The following GNG10 variants were observed in gnomAD, a reference collection of about 807,000 sequenced individuals.
GNG10 encodes G protein subunit gamma 10.
A neutral mutation model predicts 6.8 loss-of-function variants in GNG10; 7 were observed. That is an observed-to-expected ratio of 1.02 (90% CI 0.58 to 1.92). GNG10 has a LOEUF of 1.92. GNG10 is among the 30% of genes most tolerant of loss of function. The probability of loss-of-function intolerance (pLI) is 0.00; values close to 1 mark genes in which losing one functional copy is unlikely to be tolerated. For synonymous variants in GNG10, 28 were observed against 34.8 expected, an observed-to-expected ratio of 0.80 and a Z score of 0.69; for missense variants, 57 against 86.1, an observed-to-expected ratio of 0.66 and a Z score of 1.34.
chr9:111,664,271 G>C (rs576851962), intron 1 of GNG10, among the ~76,000 whole-genome samples: 49 of 152,304 alleles, frequency 3.2e-4, no homozygotes, highest in Admixed American at 2.9e-3. Context: ...GCTCATGGAA[G>C]TATGATCTGG....
At chr9:111,665,229 CAA>C (rs143664022) in intron 1 of GNG10, among the ~76,000 whole-genome samples, 3 of 134,232 alleles carry the variant, frequency 2.2e-5, no homozygotes, top group African/African-American at 2.8e-5. Flanking sequence ...CCTTTTAATG[CAA>C]AAAAAAAAAG....
At chr9:111,663,274 A>ATT (rs59173537) in intron 1 of GNG10, among the ~76,000 whole-genome samples, 1 of 147,258 alleles carries the variant, frequency 6.8e-6, no homozygotes, top group South Asian at 2.1e-4. Flanking sequence ...CATATTTGTG[A>ATT]TTTTTTTTTT....
intron 1 of GNG10, 102 bp from the exon 2 acceptor site, chr9:111,666,713 A>C: frequency 6.9e-7 from 1 of 1,440,222 alleles, no homozygotes; most frequent in South Asian, 1.5e-5. Flanking sequence ...AGGTCACAAA[A>C]AGTTGATATT....
chr9:111,666,369 G>T (rs1190929576), intron 1 of GNG10, among the ~76,000 whole-genome samples: 1 of 152,180 alleles, frequency 6.6e-6, no homozygotes, highest in Non-Finnish European at 1.5e-5. Flanking sequence ...CGCCTCAAAA[G>T]CAAGGCGGAA....
chr9:111,663,748 G>A (rs1445505665), intron 1 of GNG10, among the ~76,000 whole-genome samples: 2 of 152,104 alleles, frequency 1.3e-5, no homozygotes, highest in Non-Finnish European at 2.9e-5. Flanking sequence ...GGGGACATGA[G>A]GTAGAAAGGA....
intron 1 of GNG10, among the ~76,000 whole-genome samples, chr9:111,665,545 G>T (rs1038334390): frequency 6.6e-6 from 1 of 152,128 alleles, no homozygotes; most frequent in Non-Finnish European, 1.5e-5. Flanking sequence ...GCAGGTGCTG[G>T]TTGTAGCTTA....
intron 1 of GNG10, among the ~76,000 whole-genome samples, chr9:111,664,875 G>C (rs1830874752): frequency 1.3e-5 from 2 of 152,028 alleles, no homozygotes; most frequent in Admixed American, 6.6e-5. Flanking sequence ...GAGCATAATT[G>C]ATTCTCGATT....
In GNG10 at chr9:111,661,808, T is replaced by C; in HGVS notation, c.81+93T>C. 1 of 691,574 alleles carries C rather than the reference T, an allele frequency of 1.4e-6. No homozygotes were observed. Among genetic ancestry groups the C allele is most frequent in the Non-Finnish European group, 1.9e-6 (1 of 516,980 alleles). 42.8% of individuals were successfully genotyped at this position (691,574 alleles called of 1,614,324 possible). ...CCCGGACCGGGCGCCAGCGGGGGAC[T>C]CGGTGGCGGCGGCGAGGCCTCGGCG... On this transcript the variant is annotated intron_variant, in intron 1 of 2. Transcript: ENST00000374293. The surrounding 1 kb of genome is among the most constrained non-coding windows in gnomAD (Gnocchi z 6.1).
chr9:111,663,031 G>A (rs1830847635), intron 1 of GNG10, among the ~76,000 whole-genome samples: 2 of 152,016 alleles, frequency 1.3e-5, no homozygotes, highest in African/African-American at 4.8e-5. Flanking sequence ...CTACGGGGGG[G>A]TGGGGGATTG....
chr9:111,661,660 C>A lies in GNG10; in HGVS notation c.26C>A (p.Ala9Asp). The change falls in exon 1 of 3, where the codon GCC becomes GAC. Residue 9 changes from alanine (A) to aspartate (D), a missense_variant. Ala to Asp is a moderately radical substitution (Grantham distance 126, BLOSUM62 -2). Transcript: ENST00000374293. The surrounding 1 kb of genome is among the most constrained non-coding windows in gnomAD (Gnocchi z 6.1). ...ATGTCCTCCGGGGCTAGCGCGAGCG[C>A]CCTGCAGCGCTTGGTAGAGCAGCTC... MSSGASAS[A>D]LQRLVEQLKL... is the part of the protein sequence containing the mutation. 1 of 1,376,590 alleles carries A rather than the reference C, an allele frequency of 7.3e-7. No homozygotes were observed. Among genetic ancestry groups the A allele is most frequent in the Non-Finnish European group, 9.6e-7 (1 of 1,045,022 alleles). 85.3% of individuals were successfully genotyped at this position (1,376,590 alleles called of 1,614,324 possible). A position where few individuals can be genotyped will look rare whatever the true frequency, so the allele number is the denominator to read the frequency against.
rs778762707 is a variant in GNG10, at chr9:111,666,839, C to T, written c.106C>T (p.Gln36Ter). The T allele has an allele frequency of 1.2e-6, 2 of 1,613,312 alleles. No homozygotes were observed. The highest frequency in any genetic ancestry group is 1.1e-5 in the South Asian group (1 of 91,024). ...GGTCTCTCAGGCAGCTGCAGAGCTT[C>T]AACAGTACTGTATGCAGAATGCCTG... is the stretch of plus-strand genomic sequence containing the variant. ...IKVSQAAAEL[Q>*]QYCMQNACKD... Residue 36 changes from glutamine (Q) to a stop codon, truncating the protein, a stop_gained, in exon 2 of 3, where the codon CAA (glutamine) becomes TAA (stop). Transcript: ENST00000374293. LOFTEE classifies it high-confidence loss of function.
chr9:111,664,384 T>G (rs1830869167), intron 1 of GNG10, among the ~76,000 whole-genome samples: 1 of 152,148 alleles, frequency 6.6e-6, no homozygotes, highest in South Asian at 2.1e-4. Flanking sequence ...GTGCTTAGCA[T>G]AGCCAGAGGT....
intron 1 of GNG10, among the ~76,000 whole-genome samples, chr9:111,665,063 T>C (rs1830877004): frequency 6.6e-6 from 1 of 152,156 alleles, no homozygotes; most frequent in East Asian, 1.9e-4. Flanking sequence ...GCAACCAAAA[T>C]TCCTGGAGCT....
Position 111,661,721 on chromosome 9 carries a change from G to T in GNG10, c.81+6G>T. On this transcript the variant is annotated splice_donor_region_variant and intron_variant, in intron 1 of 2. Transcript: ENST00000374293. The surrounding 1 kb of genome is among the most constrained non-coding windows in gnomAD (Gnocchi z 6.1). Reference sequence around the variant, plus strand: ...CTGGCGTGGAGAGGATCAAGGTGCGGGCCCCGGGTACCCACGCTCCGGTCC... The same window carrying T: ...CTGGCGTGGAGAGGATCAAGGTGCGTGCCCCGGGTACCCACGCTCCGGTCC... 7.5e-7 allele frequency: 1 copy of T among 1,340,116 alleles called. No individual in the cohort carries two copies. Among genetic ancestry groups the T allele is most frequent in the Non-Finnish European group, 9.8e-7 (1 of 1,023,792 alleles). The allele number at this position is 1,340,116 out of a possible 1,614,324, so 83.0% of individuals were successfully genotyped here.
chr9:111,665,834 C>T (rs777760694), intron 1 of GNG10, among the ~76,000 whole-genome samples: 1 of 151,816 alleles, frequency 6.6e-6, no homozygotes, highest in Non-Finnish European at 1.5e-5. Context: ...TCAAGCGATT[C>T]TCCTGCCTCA....
At chr9:111,667,033 C>T in intron 2 of GNG10, 87 bp downstream of exon 2, 2 of 1,529,248 alleles carry the variant, frequency 1.3e-6, no homozygotes, top group South Asian at 2.5e-5. Context: ...TTTTGAATGT[C>T]TCCTATTCTT....
At chr9:111,667,867 C>T (rs934860240) in intron 2 of GNG10, among the ~76,000 whole-genome samples, 1 of 152,012 alleles carries the variant, frequency 6.6e-6, no homozygotes, top group Non-Finnish European at 1.5e-5. Flanking sequence ...TGTGTTTCCC[C>T]CCTCATCGCC....
Position 111,670,134 on chromosome 9 carries a change from T to C in GNG10, c.*872T>C, listed in dbSNP as rs554600784. On this transcript the variant is annotated 3_prime_UTR_variant, in exon 3 of 3. Coordinates refer to ENST00000374293, the MANE Select transcript of GNG10 (RefSeq NM_001017998.4). ...GTGTTTTACTTCGACGATGTGCCTT[T>C]GATTTAATTTGGGACACTTTTTTAG... The C allele has an allele frequency of 6.0e-4, 92 of 152,804 alleles. No homozygotes were observed. Among genetic ancestry groups the C allele is most frequent in the African/African-American group, 2.0e-3 (82 of 41,600 alleles). 9.5% of individuals were successfully genotyped at this position (152,804 alleles called of 1,614,324 possible). A position where few individuals can be genotyped will look rare whatever the true frequency, so the allele number is the denominator to read the frequency against.
intron 1 of GNG10, among the ~76,000 whole-genome samples, chr9:111,665,970 G>A (rs1163758000): frequency 1.4e-5 from 2 of 146,352 alleles, no homozygotes; most frequent in African/African-American, 2.6e-5. Flanking sequence ...TCCTGACCTC[G>A]TGATCTGCCC....
Sources: allele counts gnomAD v4.1 joint callset (sites outside exome capture counted in the v4.1 genomes callset), GRCh38; gene constraint gnomAD v4.1.1; non-coding constraint Gnocchi (gnomAD v3.1); transcripts MANE v1.5; gene names NCBI Gene and HGNC (gene_info 2026-07-23, HGNC 2026-07-21).